The following CALD1 variants were observed in gnomAD, a reference collection of about 807,000 sequenced individuals.
CALD1 encodes caldesmon 1, also known as caldesmon.
CALD1 carries 33 observed loss-of-function variants against 99.9 expected under a neutral mutation model. That is an observed-to-expected ratio of 0.33 (90% CI 0.25 to 0.44). The LOEUF (loss-of-function observed/expected upper bound fraction) is 0.44. Among genes scored for constraint, CALD1 ranks in the 20% least tolerant of loss-of-function variants. The probability of loss-of-function intolerance (pLI) is 1.00; values close to 1 mark genes in which losing one functional copy is unlikely to be tolerated. For synonymous variants in CALD1, 310 were observed against 325.0 expected, an observed-to-expected ratio of 0.95 and a Z score of 0.50; for missense variants, 861 against 962.1, an observed-to-expected ratio of 0.89 and a Z score of 1.39.
the CALD1 span, among the ~76,000 whole-genome samples, chr7:134,725,643 T>C: frequency 1.3e-5 from 2 of 152,216 alleles, no homozygotes; most frequent in African/African-American, 2.4e-5. Context: ...ATGGGCTGAA[T>C]GGTGGCCCAA....
intron 1 of CALD1, among the ~76,000 whole-genome samples, chr7:134,748,582 G>C (rs888446089): frequency 2.0e-5 from 3 of 152,066 alleles, no homozygotes; most frequent in Admixed American, 6.6e-5. Flanking sequence ...GTGGTGGCAG[G>C]CACCTGTAAT....
At chr7:134,799,426 C>A (rs1232346447) in intron 1 of CALD1, among the ~76,000 whole-genome samples, 1 of 152,140 alleles carries the variant, frequency 6.6e-6, no homozygotes, top group African/African-American at 2.4e-5. Context: ...GAGCTCACGG[C>A]TTGGGGTGGA....
At chr7:134,759,479 G>A (rs912090306) in intron 1 of CALD1, among the ~76,000 whole-genome samples, 1 of 152,212 alleles carries the variant, frequency 6.6e-6, no homozygotes, top group Non-Finnish European at 1.5e-5. Context: ...GCTCAAGGCA[G>A]AGAGAACAGC....
At chr7:134,958,441 C>CAAAA in intron 11 of CALD1, 151 bp downstream of exon 11, 1 of 636,428 alleles carries the variant, frequency 1.6e-6, no homozygotes, top group Non-Finnish European at 2.7e-6. Context: ...GACGGAGTCT[C>CAAAA]ACTCTGTTGC....
the CALD1 span, among the ~76,000 whole-genome samples, chr7:134,721,254 C>T: frequency 6.8e-6 from 1 of 148,048 alleles, no homozygotes; most frequent in Non-Finnish European, 1.5e-5. Context: ...CGGCGATTTT[C>T]AGTTAATTTA....
chr7:134,746,141 T>C (rs1796632849), intron 1 of CALD1, among the ~76,000 whole-genome samples: 1 of 152,222 alleles, frequency 6.6e-6, no homozygotes, highest in South Asian at 2.1e-4. Context: ...TTTGTGTCTC[T>C]TCAAAATTCA....
chr7:134,858,830 A>C (rs1231679042), intron 2 of CALD1, among the ~76,000 whole-genome samples: 1 of 152,092 alleles, frequency 6.6e-6, no homozygotes, highest in East Asian at 1.9e-4. Flanking sequence ...GGCCTCCCAA[A>C]GTGCTGGGAT....
At position 134,968,731 on chromosome 7, in the gene CALD1, A is replaced by G. The variant is rs1330156290; in HGVS notation, c.*386A>G. Reference sequence around the variant, plus strand: ...AATGAACCGTAGTTTTTGTTTTTTTAAATACAGAAGTCATGTTGTTTCTGC... The same window carrying G: ...AATGAACCGTAGTTTTTGTTTTTTTGAATACAGAAGTCATGTTGTTTCTGC... On this transcript the variant is annotated 3_prime_UTR_variant, in exon 15 of 15. Transcript: ENST00000361675. 1 of 325,800 alleles carries G rather than the reference A, an allele frequency of 3.1e-6. No individual in the cohort carries two copies. The highest frequency in any genetic ancestry group is 2.1e-5 in the African/African-American group (1 of 47,858). 20.2% of individuals were successfully genotyped at this position (325,800 alleles called of 1,614,324 possible). A position where few individuals can be genotyped will look rare whatever the true frequency, so the allele number is the denominator to read the frequency against.
chr7:134,721,572 C>A, the CALD1 span, among the ~76,000 whole-genome samples: 1 of 151,836 alleles, frequency 6.6e-6, no homozygotes, highest in African/African-American at 2.4e-5. Context: ...AAAATACAAC[C>A]CCATGGCTGT....
chr7:134,828,651 T>G (rs1799101435), intron 1 of CALD1, among the ~76,000 whole-genome samples: 1 of 152,288 alleles, frequency 6.6e-6, no homozygotes, highest in African/African-American at 2.4e-5. Context: ...GGGGATGATA[T>G]ACTACCTATA....
At chr7:134,874,618 C>T (rs1563060246) in intron 3 of CALD1, among the ~76,000 whole-genome samples, 1 of 152,230 alleles carries the variant, frequency 6.6e-6, no homozygotes, top group Non-Finnish European at 1.5e-5. Flanking sequence ...CATCTGCTTT[C>T]TGCACCCAAC....
chr7:134,936,212 C>G (rs1379499832), intron 6 of CALD1, among the ~76,000 whole-genome samples: 2 of 152,156 alleles, frequency 1.3e-5, no homozygotes, highest in Non-Finnish European at 2.9e-5. Context: ...GAAAAACACC[C>G]ACACACATCT....
At chr7:134,896,533 G>A (rs1001986894) in intron 3 of CALD1, among the ~76,000 whole-genome samples, 1 of 152,218 alleles carries the variant, frequency 6.6e-6, no homozygotes, top group Non-Finnish European at 1.5e-5. Context: ...TGCACGAGCA[G>A]TGGTGATTAT....
At chr7:134,936,106 T>A (rs2133003715) in intron 6 of CALD1, among the ~76,000 whole-genome samples, 1 of 152,328 alleles carries the variant, frequency 6.6e-6, no homozygotes, top group African/African-American at 2.4e-5. Flanking sequence ...TTTCTATTCT[T>A]CTGAATGCTA....
At chr7:134,853,460 G>C (rs567097423) in intron 2 of CALD1, among the ~76,000 whole-genome samples, 15 of 152,230 alleles carry the variant, frequency 9.9e-5, no homozygotes, top group African/African-American at 3.1e-4. Flanking sequence ...TTACCACCCA[G>C]ATCTTATTCT....
intron 1 of CALD1, among the ~76,000 whole-genome samples, chr7:134,802,616 C>T (rs549079143): frequency 1.2e-3 from 190 of 152,296 alleles, no homozygotes; most frequent in Non-Finnish European, 2.3e-3. Context: ...ATACACCTAA[C>T]CTACTGAAAC....
chr7:134,864,367 G>T (rs1413015006), intron 2 of CALD1, among the ~76,000 whole-genome samples: 1 of 150,054 alleles, frequency 6.7e-6, no homozygotes, highest in African/African-American at 2.5e-5. Context: ...AAAAAGGAAG[G>T]GCAGTGTGTT....
At chr7:134,942,896 A>C (rs983077745) in intron 7 of CALD1, among the ~76,000 whole-genome samples, 1 of 152,122 alleles carries the variant, frequency 6.6e-6, no homozygotes, top group Non-Finnish European at 1.5e-5. Context: ...ATTGTGTAGA[A>C]ATCCAAAAAG....
the CALD1 span, among the ~76,000 whole-genome samples, chr7:134,721,599 T>TG: frequency 6.1e-5 from 9 of 147,096 alleles, no homozygotes; most frequent in African/African-American, 1.0e-4. Flanking sequence ...TTAGGGGAGG[T>TG]GGGGGGGTGA....
Sources: gnomAD v4.1 joint callset for allele counts (sites outside exome capture counted in the v4.1 genomes callset) on GRCh38, gnomAD v4.1.1 for gene constraint, MANE v1.5 for transcripts, NCBI Gene and HGNC (gene_info 2026-07-23, HGNC 2026-07-21) for gene names.